COL21A1: variants seen among roughly 807,000 people sequenced by gnomAD.
The protein encoded by COL21A1 is collagen alpha-1(XXI) chain.
In COL21A1, 149 loss-of-function variants were observed where a neutral mutation model predicts 137.9. The observed-to-expected ratio is 1.08, with a 90% CI of 0.95 to 1.24. The LOEUF is 1.24. Among genes scored for constraint, COL21A1 ranks in the 50% most tolerant of loss-of-function variants. The probability of loss-of-function intolerance (pLI) is 0.00; values close to 1 mark genes in which losing one functional copy is unlikely to be tolerated. For missense variants in COL21A1, 1,167 were observed against 1,158.4 expected (o/e 1.01, Z -0.11); for synonymous variants, 456 against 391.5 (o/e 1.16, Z -1.95).
intron 1 of COL21A1, among the ~76,000 whole-genome samples, chr6:56,385,180 T>C (rs1026957299): frequency 6.6e-6 from 1 of 152,232 alleles, no homozygotes; most frequent in Non-Finnish European, 1.5e-5. Context: ...TGTCTTTTAG[T>C]AGCAATGAAG....
At chr6:56,059,897 G>T in intron 28 of COL21A1, 121 bp downstream of exon 28, 3 of 624,208 alleles carry the variant, frequency 4.8e-6, no homozygotes, top group Non-Finnish European at 8.1e-6. Flanking sequence ...ATTTAAAGAC[G>T]AGCATTTACA....
At chr6:56,063,847 G>A (rs908181699) in intron 24 of COL21A1, among the ~76,000 whole-genome samples, 1 of 152,038 alleles carries the variant, frequency 6.6e-6, no homozygotes, top group Non-Finnish European at 1.5e-5. Context: ...TCCACCCCAT[G>A]GGAGGACTCA....
intron 12 of COL21A1, among the ~76,000 whole-genome samples, chr6:56,137,980 G>T (rs1774123033): frequency 6.6e-6 from 1 of 152,166 alleles, no homozygotes; most frequent in African/African-American, 2.4e-5. Flanking sequence ...TAATATCAGA[G>T]AATATTTAGG....
At chr6:56,146,244 T>C (rs1774827653) in intron 10 of COL21A1, among the ~76,000 whole-genome samples, 1 of 152,188 alleles carries the variant, frequency 6.6e-6, no homozygotes, top group Admixed American at 6.5e-5. Flanking sequence ...CATTAAATAA[T>C]TTTCTTCAAA....
chr6:56,357,331 A>T (rs536851193), intron 1 of COL21A1, among the ~76,000 whole-genome samples: 8 of 152,196 alleles, frequency 5.3e-5, no homozygotes, highest in Non-Finnish European at 1.0e-4. Flanking sequence ...CTTACAATCT[A>T]CAGCATCTTA....
chr6:56,057,935 A>T, intron 29 of COL21A1, 91 bp from the exon 30 acceptor site: 1 of 874,806 alleles, frequency 1.1e-6, no homozygotes. Context: ...ACTGAAAAAA[A>T]AAACCTTGAA....
At chr6:56,238,521 C>T (rs1274369220) in intron 1 of COL21A1, among the ~76,000 whole-genome samples, 1 of 151,196 alleles carries the variant, frequency 6.6e-6, no homozygotes, top group Non-Finnish European at 1.5e-5. Context: ...CCTGAGGATA[C>T]CCTCAGTCTC....
chr6:56,352,632 GCCTTCCTTCCT>G (rs778411125), intron 1 of COL21A1, among the ~76,000 whole-genome samples: 3 of 152,078 alleles, frequency 2.0e-5, no homozygotes, highest in Non-Finnish European at 2.9e-5. Flanking sequence ...AACTGTAATC[GCCTTCCTTCCT>G]CCATTAAGTA....
At chr6:56,169,406 T>C (rs887119357) in intron 5 of COL21A1, among the ~76,000 whole-genome samples, 1 of 151,962 alleles carries the variant, frequency 6.6e-6, no homozygotes, top group Admixed American at 6.6e-5. Context: ...GTAGAGAAGA[T>C]TGCCTTGACC....
At chr6:56,110,201 T>A (rs1771298674) in intron 16 of COL21A1, among the ~76,000 whole-genome samples, 1 of 150,136 alleles carries the variant, frequency 6.7e-6, no homozygotes, top group Non-Finnish European at 1.5e-5. Context: ...ATGTTGTATA[T>A]TAAGAAAATA....
intron 1 of COL21A1, among the ~76,000 whole-genome samples, chr6:56,288,389 G>A (rs1763964230): frequency 6.6e-6 from 1 of 152,026 alleles, no homozygotes; most frequent in Non-Finnish European, 1.5e-5. Context: ...AAATAAAGAA[G>A]AAAATTAGTT....
chr6:56,246,616 T>C (rs1313309894), intron 1 of COL21A1, among the ~76,000 whole-genome samples: 1 of 152,208 alleles, frequency 6.6e-6, no homozygotes, highest in Non-Finnish European at 1.5e-5. Flanking sequence ...GTTTTCAAAC[T>C]TGAGCAAGCA....
chr6:56,207,764 A>G (rs1053067148), intron 1 of COL21A1, among the ~76,000 whole-genome samples: 3 of 152,230 alleles, frequency 2.0e-5, no homozygotes, highest in African/African-American at 7.2e-5. Flanking sequence ...TCCCTGATGA[A>G]CATTGACACA....
At chr6:56,210,866 T>A (rs1460095057) in intron 1 of COL21A1, among the ~76,000 whole-genome samples, 1 of 152,028 alleles carries the variant, frequency 6.6e-6, no homozygotes, top group Non-Finnish European at 1.5e-5. Context: ...TTAAGAGGCA[T>A]CAATTACATG....
At chr6:56,250,988 C>T (rs1782840263), upstream of COL21A1, among the ~76,000 whole-genome samples, 1 of 152,086 alleles carries the variant, frequency 6.6e-6, no homozygotes, top group Admixed American at 6.6e-5. Flanking sequence ...ATTGTTTCTT[C>T]CTCCTCAATA....
chr6:56,373,494 C>T (rs916882357), intron 1 of COL21A1, among the ~76,000 whole-genome samples: 18 of 151,874 alleles, frequency 1.2e-4, no homozygotes, highest in Non-Finnish European at 2.9e-5. Context: ...CCCAGCTACT[C>T]GGGAGGCTGA....
chr6:56,259,527 A>G (rs1319331550), intron 1 of COL21A1, among the ~76,000 whole-genome samples: 1 of 152,240 alleles, frequency 6.6e-6, no homozygotes, highest in Non-Finnish European at 1.5e-5. Context: ...TACACAGCTG[A>G]CATTTTTAGA....
At chr6:56,329,296 A>T (rs1200557119) in intron 1 of COL21A1, among the ~76,000 whole-genome samples, 5 of 152,108 alleles carry the variant, frequency 3.3e-5, no homozygotes, top group Admixed American at 1.3e-4. Flanking sequence ...CTTAATAATT[A>T]TGAGGGCTAT....
Position 56,385,581 on chromosome 6 carries a change from C to G in COL21A1, c.-39+8390G>C, listed in dbSNP as rs541323581. Among the ~76,000 whole-genome samples, 187 of 152,192 alleles carry G rather than the reference C, an allele frequency of 1.2e-3. 3 individuals are homozygous for G. The Middle Eastern group carries it at 0.014, about 11-fold the overall frequency. Reference sequence around the variant, plus strand: ...AAAAATTGAGATAAAATCCACATAACATAAAATTAACTGTTTAAAGCATAT... The same window carrying G: ...AAAAATTGAGATAAAATCCACATAAGATAAAATTAACTGTTTAAAGCATAT... On this transcript the variant is annotated intron_variant, in intron 1 of 28. Transcript: ENST00000370819.
Sources: gnomAD v4.1 joint callset for allele counts (sites outside exome capture counted in the v4.1 genomes callset) on GRCh38, gnomAD v4.1.1 for gene constraint, MANE v1.5 for transcripts, NCBI Gene and HGNC (gene_info 2026-07-23, HGNC 2026-07-21) for gene names.